DPP8: variants seen among roughly 807,000 people sequenced by gnomAD.
The protein encoded by DPP8 is DPP VIII.
A neutral mutation model predicts 107.5 loss-of-function variants in DPP8; 31 were observed. The observed-to-expected ratio is 0.29, with a 90% CI of 0.22 to 0.39. DPP8 has a LOEUF of 0.39. Ranked by LOEUF, DPP8 falls within the 10% of genes least tolerant of loss-of-function variation. The probability of loss-of-function intolerance (pLI) is 1.00; values close to 1 mark genes in which losing one functional copy is unlikely to be tolerated. For synonymous variants in DPP8, 381 were observed against 356.6 expected (o/e 1.07, Z -0.77); for missense variants, 842 against 1,076.1 (o/e 0.78, Z 3.04).
intron 2 of DPP8, among the ~76,000 whole-genome samples, chr15:65,509,102 T>C (rs560000849): frequency 6.6e-6 from 1 of 152,272 alleles, no homozygotes; most frequent in African/African-American, 2.4e-5. Context: ...TTCTAATTAG[T>C]TTATGTTGCC....
intron 1 of DPP8, chr15:65,515,735 T>C (rs2071374418): frequency 1.3e-6 from 2 of 1,565,638 alleles, no homozygotes; most frequent in South Asian, 1.1e-5. Context: ...AAGCATAGAA[T>C]CCCTCTGCTC....
intron 12 of DPP8, among the ~76,000 whole-genome samples, chr15:65,468,190 A>T (rs887062001): frequency 1.5e-4 from 23 of 152,126 alleles, no homozygotes; most frequent in African/African-American, 4.6e-4. Flanking sequence ...CTACCAGCCA[A>T]CTCAAACAAT....
chr15:65,513,071 T>C (rs2071001314), intron 1 of DPP8, among the ~76,000 whole-genome samples: 1 of 152,262 alleles, frequency 6.6e-6, no homozygotes, highest in South Asian at 2.1e-4. Flanking sequence ...AACGTGCATG[T>C]AATAACCTTC....
At chr15:65,458,643 T>A (rs1279764971) in intron 15 of DPP8, 1 of 152,168 alleles carries the variant, frequency 6.6e-6, no homozygotes, top group Non-Finnish European at 1.5e-5. Flanking sequence ...GTGGGAAATA[T>A]CTGCTGCTTT....
In DPP8 at chr15:65,464,028, AGAT is replaced by A. The variant is rs1466415665; in HGVS notation, c.1826-125_1826-123del. 5 of 684,138 alleles carry A rather than the reference AGAT, an allele frequency of 7.3e-6. No individual in the cohort carries two copies. In the Admixed American group the frequency reaches 9.7e-5, roughly 13 times the overall value. The allele number at this position is 684,138 out of a possible 1,614,324, so 42.4% of individuals were successfully genotyped here. On this transcript the variant is annotated intron_variant, in intron 14 of 19. Coordinates refer to ENST00000300141, the MANE Select transcript of DPP8 (RefSeq NM_130434.5). ...AACACAAACTGACCACCCCTCTTTC[AGAT>A]GATAAGCTAGAATTTAAGCAAGAGT...
intron 12 of DPP8, among the ~76,000 whole-genome samples, chr15:65,471,902 C>T (rs1204579968): frequency 2.0e-5 from 3 of 152,120 alleles, no homozygotes; most frequent in Admixed American, 2.0e-4. Context: ...AAACATAATC[C>T]TTCAATAAAT....
chr15:65,456,457 T>A, intron 15 of DPP8, 86 bp from the exon 16 acceptor site: 1 of 1,273,900 alleles, frequency 7.8e-7, no homozygotes, highest in South Asian at 1.5e-5. Flanking sequence ...ATAGAAAGCT[T>A]AATTTCACTA....
chr15:65,480,285 C>T lies in DPP8; in HGVS notation c.1233G>A (p.Glu411=). Residue 411 remains glutamate, a synonymous_variant, in exon 10 of 20, where the codon GAG becomes GAA. Coordinates refer to ENST00000300141, the MANE Select transcript of DPP8 (RefSeq NM_130434.5). ...DDVMERQRLI[E]SVPDSVTPLI... is the part of the protein sequence containing the mutation. ...GTGGCGTCACAGAATCAGGCACTGA[C>T]TCAATGAGTCTCTGCCTTTCCATAA... 1 of 1,613,922 alleles carries T rather than the reference C, an allele frequency of 6.2e-7. No homozygotes were observed. The highest frequency in any genetic ancestry group is 8.5e-7 in the Non-Finnish European group (1 of 1,179,954).
intron 10 of DPP8, among the ~76,000 whole-genome samples, chr15:65,479,737 G>A (rs915595797): frequency 2.0e-5 from 3 of 151,532 alleles, no homozygotes; most frequent in East Asian, 3.9e-4. Context: ...CCAGCTACTC[G>A]GGAGGCTGAG....
chr15:65,510,517 ACAG>A lies in DPP8; in HGVS notation c.259+1775_259+1777del, dbSNP rs2070629229. Among the ~76,000 whole-genome samples, 3 of 150,012 alleles carry A rather than the reference ACAG, an allele frequency of 2.0e-5. No individual in the cohort carries two copies. In the Admixed American group the frequency reaches 2.0e-4, roughly 10 times the overall value. On this transcript the variant is annotated intron_variant, in intron 2 of 19. Transcript: ENST00000300141. ...ACCAAAGATTATAGACTGTGAATGTACAGAAGAGAAATACAAATGGCTTTTTTT... is the reference window on the plus strand; with the variant it reads ...ACCAAAGATTATAGACTGTGAATGTAAAGAGAAATACAAATGGCTTTTTTT...
intron 5 of DPP8, among the ~76,000 whole-genome samples, chr15:65,496,547 G>A (rs945220549): frequency 6.6e-6 from 1 of 152,124 alleles, no homozygotes; most frequent in Non-Finnish European, 1.5e-5. Flanking sequence ...TATTATCATA[G>A]CCACTTCAAT....
chr15:65,500,499 G>T, intron 4 of DPP8, 107 bp downstream of exon 4: 7 of 778,762 alleles, frequency 9.0e-6, no homozygotes, highest in Non-Finnish European at 1.0e-5. Context: ...TTCTTTGTTG[G>T]TGGGTAAACT....
At chr15:65,456,420 C>G (rs1307370801) in intron 15 of DPP8, 49 bp from the exon 16 acceptor site, 14 of 1,557,238 alleles carry the variant, frequency 9.0e-6, no homozygotes, top group Non-Finnish European at 1.1e-5. Context: ...CATATAAAAA[C>G]CCAAGAGCGG....
At chr15:65,472,621 G>A (rs541439563) in intron 12 of DPP8, among the ~76,000 whole-genome samples, 6 of 152,120 alleles carry the variant, frequency 3.9e-5, no homozygotes, top group Non-Finnish European at 8.8e-5. Flanking sequence ...TTATAATGTA[G>A]ACACAAGTAG....
intron 15 of DPP8, chr15:65,458,745 G>A (rs1182976539): frequency 1.3e-5 from 2 of 152,078 alleles, no homozygotes; most frequent in African/African-American, 4.8e-5. Context: ...CACTGTTGCT[G>A]TTTCAACATA....
intron 2 of DPP8, among the ~76,000 whole-genome samples, chr15:65,509,562 T>A (rs2070490226): frequency 6.6e-6 from 1 of 152,226 alleles, no homozygotes; most frequent in South Asian, 2.1e-4. Context: ...TCAATGAGTC[T>A]TGTTTCTCTT....
At chr15:65,491,967 C>T (rs1228617210) in intron 5 of DPP8, among the ~76,000 whole-genome samples, 8 of 151,994 alleles carry the variant, frequency 5.3e-5, no homozygotes, top group African/African-American at 1.2e-4. Context: ...CTCCTGACCT[C>T]GTGATCCACC....
chr15:65,487,567 C>G, intron 7 of DPP8, 123 bp downstream of exon 7: 2 of 881,118 alleles, frequency 2.3e-6, no homozygotes, highest in Non-Finnish European at 3.5e-6. Flanking sequence ...ACTTAGTGAA[C>G]AACCCGTCGT....
At chr15:65,511,513 G>A (rs992929521) in intron 2 of DPP8, among the ~76,000 whole-genome samples, 1 of 151,640 alleles carries the variant, frequency 6.6e-6, no homozygotes, top group Non-Finnish European at 1.5e-5. Context: ...AACATTAGCT[G>A]GCTGTGGTGG....
Sources: gnomAD v4.1 joint callset for allele counts (sites outside exome capture counted in the v4.1 genomes callset) on GRCh38, gnomAD v4.1.1 for gene constraint, MANE v1.5 for transcripts, NCBI Gene and HGNC (gene_info 2026-07-23, HGNC 2026-07-21) for gene names.